The following SAXO5 variants were observed in gnomAD, a reference collection of about 807,000 sequenced individuals.
The protein encoded by SAXO5 is testis expressed 45.
the SAXO5 span, chr19:7,501,259 G>A: frequency 6.4e-6 from 10 of 1,567,544 alleles, no homozygotes; most frequent in East Asian, 2.5e-5. Context: ...GAGCGGATCC[G>A]CGGCGCGCGC....
At chr19:7,504,898 C>A in the SAXO5 span, among the ~76,000 whole-genome samples, 2 of 151,954 alleles carry the variant, frequency 1.3e-5, no homozygotes, top group East Asian at 3.9e-4. Flanking sequence ...ACAGCTTGGT[C>A]ATTAGGAAAC....
At chr19:7,498,396 T>TC in the SAXO5 span, among the ~76,000 whole-genome samples, 1 of 89,284 alleles carries the variant, frequency 1.1e-5, no homozygotes, top group Non-Finnish European at 2.6e-5. Context: ...TTTTTTTCTT[T>TC]TTTTTTTTTT....
chr19:7,499,109 C>T, the SAXO5 span, among the ~76,000 whole-genome samples: 3 of 151,684 alleles, frequency 2.0e-5, no homozygotes, highest in South Asian at 4.2e-4. Context: ...GTCAGGAGTT[C>T]GAGACCAGCC....
At chr19:7,506,054 C>A in the SAXO5 span, 2 of 1,613,812 alleles carry the variant, frequency 1.2e-6, no homozygotes, top group Non-Finnish European at 1.7e-6. Flanking sequence ...GCTACTCAAA[C>A]GCTTCTTCAA....
chr19:7,504,877 A>G, the SAXO5 span, among the ~76,000 whole-genome samples: 3 of 151,848 alleles, frequency 2.0e-5, no homozygotes, highest in African/African-American at 4.8e-5. Context: ...ATCTCTCATT[A>G]TCAGAGCCCC....
chr19:7,500,783 C>T, the SAXO5 span: 1 of 1,416,324 alleles, frequency 7.1e-7, no homozygotes, highest in Non-Finnish European at 9.2e-7. Context: ...CTTGCTCAGT[C>T]CCTCATCTCC....
At chr19:7,506,800 C>A in the SAXO5 span, 2 of 449,142 alleles carry the variant, frequency 4.5e-6, no homozygotes, top group South Asian at 2.3e-5. Flanking sequence ...CCTTCCTCCT[C>A]CCCCACCTCC....
At chr19:7,503,095 G>A in the SAXO5 span, among the ~76,000 whole-genome samples, 1 of 152,202 alleles carries the variant, frequency 6.6e-6, no homozygotes. Context: ...GGGTGCAATG[G>A]CTCATGCCTG....
the SAXO5 span, chr19:7,508,405 T>C: frequency 6.2e-6 from 10 of 1,611,932 alleles, no homozygotes; most frequent in Non-Finnish European, 8.5e-6. Context: ...CAGCCCCCTA[T>C]GTACCTGTGC....
chr19:7,506,207 C>CATGGAGCCCCGCCCA, the SAXO5 span: 1 of 1,452,682 alleles, frequency 6.9e-7, no homozygotes. Context: ...AGCCCCGCCC[C>CATGGAGCCCCGCCCA]GGGAAGCCCC....
the SAXO5 span, among the ~76,000 whole-genome samples, chr19:7,500,404 C>A: frequency 6.6e-6 from 1 of 152,130 alleles, no homozygotes; most frequent in Non-Finnish European, 1.5e-5. Context: ...CGGGTTCAAG[C>A]GATTCTCCTG....
chr19:7,501,356 C>G, the SAXO5 span: 1 of 1,532,366 alleles, frequency 6.5e-7, no homozygotes. Context: ...TCTTTCCACC[C>G]CACGACGCGC....
the SAXO5 span, chr19:7,500,904 C>T: frequency 7.6e-6 from 12 of 1,581,544 alleles, no homozygotes; most frequent in Non-Finnish European, 1.0e-5. Flanking sequence ...GCACTTCTCG[C>T]TGGGGCCTGA....
At chr19:7,501,072 C>A in the SAXO5 span, 1 of 1,500,230 alleles carries the variant, frequency 6.7e-7, no homozygotes, top group South Asian at 1.2e-5. Flanking sequence ...GGAGGCGCAC[C>A]GCGCGTTCCC....
At chr19:7,499,944 G>GTGTGTGTGTGTGTGTGTGTGTA in the SAXO5 span, 34,634 of 147,714 alleles carry the variant, frequency 0.23, 4,448 homozygotes, top group Non-Finnish European at 0.29. Flanking sequence ...GTGTGTGTGT[G>GTGTGTGTGTGTGTGTGTGTGTA]TGTGTGTGTG....
chr19:7,506,857 C>T, the SAXO5 span: 1 of 569,800 alleles, frequency 1.8e-6, no homozygotes, highest in Non-Finnish European at 3.1e-6. Context: ...TCCCTCTTTC[C>T]CAGCTCCTCC....
chr19:7,499,387 G>GGA, the SAXO5 span, among the ~76,000 whole-genome samples: 1 of 146,208 alleles, frequency 6.8e-6, no homozygotes, highest in Admixed American at 6.9e-5. Context: ...GAGGGGCGGG[G>GGA]GAGGGGGAGA....
chr19:7,499,845 T>C, the SAXO5 span: 1 of 151,372 alleles, frequency 6.6e-6, no homozygotes, highest in Non-Finnish European at 1.5e-5. Context: ...TGCATGGTGG[T>C]GCACACCTAT....
chr19:7,507,007 C>T, the SAXO5 span: 1 of 1,502,870 alleles, frequency 6.7e-7, no homozygotes, highest in South Asian at 1.1e-5. Flanking sequence ...ACCCTCAGCC[C>T]CGCCTCGGCC....
Sources: gnomAD v4.1 joint callset for allele counts (sites outside exome capture counted in the v4.1 genomes callset) on GRCh38, gnomAD v4.1.1 for gene constraint, MANE v1.5 for transcripts, NCBI Gene and HGNC (gene_info 2026-07-23, HGNC 2026-07-21) for gene names.